The following RBFOX1 variants were observed in gnomAD, a reference collection of about 807,000 sequenced individuals.
The protein encoded by RBFOX1 is RNA binding fox-1 homolog 1.
A neutral mutation model predicts 57.7 loss-of-function variants in RBFOX1; 8 were observed. The ratio of observed to expected loss-of-function variants is 0.14; its 90% CI spans 0.08 to 0.25. RBFOX1 has a LOEUF of 0.25. Ranked by LOEUF, RBFOX1 falls within the 10% of genes least tolerant of loss-of-function variation. The probability of loss-of-function intolerance (pLI) is 1.00; values close to 1 mark genes in which losing one functional copy is unlikely to be tolerated. For synonymous variants in RBFOX1, 326 were observed against 222.4 expected (o/e 1.47, Z -4.15); for missense variants, 611 against 548.5 (o/e 1.11, Z -1.14).
chr16:6,914,559 AAAAT>A (rs1488152849), intron 3 of RBFOX1, among the ~76,000 whole-genome samples: 1 of 135,076 alleles, frequency 7.4e-6, no homozygotes, highest in African/African-American at 3.3e-5. Flanking sequence ...GAAGAAAACA[AAAAT>A]AAAAAAAAAA....
chr16:6,915,774 G>T (rs1304365845), intron 3 of RBFOX1, among the ~76,000 whole-genome samples: 3 of 151,980 alleles, frequency 2.0e-5, no homozygotes, highest in African/African-American at 7.3e-5. Context: ...CTGCCCTCAA[G>T]CACCTGTACT....
chr16:6,046,590 G>C (rs1231318693), intron 1 of RBFOX1, among the ~76,000 whole-genome samples: 2 of 150,932 alleles, frequency 1.3e-5, no homozygotes, highest in African/African-American at 2.4e-5. Context: ...CAAGGACAGA[G>C]AAAAGTAGAT....
intron 1 of RBFOX1, among the ~76,000 whole-genome samples, chr16:6,200,491 A>G (rs1485191157): frequency 6.6e-6 from 1 of 152,164 alleles, no homozygotes; most frequent in African/African-American, 2.4e-5. Context: ...ATAACACAAC[A>G]TATGTGTTCC....
At chr16:6,146,062 C>T (rs1013055300) in intron 1 of RBFOX1, among the ~76,000 whole-genome samples, 2 of 152,174 alleles carry the variant, frequency 1.3e-5, no homozygotes, top group African/African-American at 2.4e-5. Flanking sequence ...ATTGGCTTTA[C>T]ATGGGGATCC....
intron 2 of RBFOX1, among the ~76,000 whole-genome samples, chr16:6,559,723 GTC>G (rs1195681626): frequency 6.6e-6 from 1 of 151,996 alleles, no homozygotes; most frequent in Admixed American, 6.6e-5. Context: ...ATCTGTGTGT[GTC>G]TATATATCTA....
chr16:6,944,005 CTTTAAG>C (rs534711361), intron 3 of RBFOX1, among the ~76,000 whole-genome samples: 71 of 152,240 alleles, frequency 4.7e-4, no homozygotes, highest in Non-Finnish European at 8.8e-4. Flanking sequence ...GCTCAAACTC[CTTTAAG>C]TTTAATTTGG....
At chr16:6,630,113 C>T (rs17140801) in intron 2 of RBFOX1, among the ~76,000 whole-genome samples, 18,408 of 152,038 alleles carry the variant, frequency 0.12, 1,582 homozygotes, top group East Asian at 0.46. Context: ...AGCTTCTGTG[C>T]TTGACATCTC....
chr16:7,253,891 T>C (rs1211908310), intron 4 of RBFOX1, among the ~76,000 whole-genome samples: 1 of 152,148 alleles, frequency 6.6e-6, no homozygotes, highest in Non-Finnish European at 1.5e-5. Context: ...TTTTGTTCGT[T>C]CATTACCTGA....
intron 2 of RBFOX1, among the ~76,000 whole-genome samples, chr16:6,504,848 G>C (rs1418694894): frequency 6.6e-6 from 1 of 151,940 alleles, no homozygotes; most frequent in African/African-American, 2.4e-5. Context: ...GAGGTCAGGA[G>C]TTCAAGACTA....
At chr16:6,871,485 C>G (rs1459653828) in intron 3 of RBFOX1, among the ~76,000 whole-genome samples, 1 of 152,118 alleles carries the variant, frequency 6.6e-6, no homozygotes, top group Non-Finnish European at 1.5e-5. Context: ...CGTGCCCGGC[C>G]TCAAAATCAC....
chr16:6,816,836 C>A (rs370502811), intron 3 of RBFOX1, among the ~76,000 whole-genome samples: 1 of 152,066 alleles, frequency 6.6e-6, no homozygotes, highest in Non-Finnish European at 1.5e-5. Flanking sequence ...TCTCAAACTC[C>A]TGGGCTCAAA....
intron 3 of RBFOX1, among the ~76,000 whole-genome samples, chr16:6,774,411 A>G (rs2078980831): frequency 6.6e-6 from 1 of 152,188 alleles, no homozygotes; most frequent in South Asian, 2.1e-4. Flanking sequence ...CACAATTTCT[A>G]AAACTGGGAC....
intron 2 of RBFOX1, among the ~76,000 whole-genome samples, chr16:6,471,315 C>T (rs1015847007): frequency 6.6e-6 from 1 of 152,196 alleles, no homozygotes; most frequent in East Asian, 1.9e-4. Context: ...TTAGTTAGAA[C>T]AAGAGGCATC....
At chr16:5,845,110 A>G (rs560029965) in intron 3 of RBFOX1, among the ~76,000 whole-genome samples, 7 of 148,796 alleles carry the variant, frequency 4.7e-5, no homozygotes, top group Non-Finnish European at 8.9e-5. Flanking sequence ...TCCAAATTTC[A>G]GAGGCCTGTA....
intron 1 of RBFOX1, among the ~76,000 whole-genome samples, chr16:5,392,790 T>A (rs186405475): frequency 3.9e-5 from 6 of 152,224 alleles, no homozygotes; most frequent in Admixed American, 2.0e-4. Flanking sequence ...GGGTCTGTTG[T>A]ACACTCGCCC....
In RBFOX1 at chr16:7,247,207, C is replaced by G. The variant is rs575673452; in HGVS notation, c.27+195109C>G. ...AATAGTAGCTAGTCAGAAATGTTCT[C>G]TTGGTGAAGGAGAAGTGCAAGAGAA... On this transcript the variant is annotated intron_variant, in intron 4 of 15. Coordinates refer to ENST00000550418, the MANE Select transcript of RBFOX1 (RefSeq NM_018723.4). Among the ~76,000 whole-genome samples, 4 of 152,274 alleles carry G rather than the reference C, an allele frequency of 2.6e-5. No homozygotes were observed. The South Asian group carries it at 6.2e-4, about 24-fold the overall frequency.
rs142052403 is a variant in RBFOX1 at position 5,709,581 on chromosome 16, C to G, written c.318+110620C>G. On this transcript the variant is annotated intron_variant, in intron 3 of 19. Coordinates refer to the RBFOX1 transcript ENST00000641259. ...CATCTCTCATTCTCCCAGGCCTCCT[C>G]CTGACACTTCCTGTTTAACAGCAAG... 9.2e-5 allele frequency among the ~76,000 whole-genome samples: 14 copies of G among 151,560 alleles called. No individual in the cohort carries two copies. The East Asian group carries it at 2.5e-3, about 28-fold the overall frequency.
chr16:6,662,498 T>C (rs1463644613), intron 3 of RBFOX1, among the ~76,000 whole-genome samples: 1 of 152,208 alleles, frequency 6.6e-6, no homozygotes, highest in Non-Finnish European at 1.5e-5. Context: ...ATTGTACAAG[T>C]GTTGAAACAC....
intron 4 of RBFOX1, among the ~76,000 whole-genome samples, chr16:5,897,076 C>G (rs897973192): frequency 8.1e-6 from 1 of 123,596 alleles, no homozygotes. Flanking sequence ...TCGCCCAGGC[C>G]GGACTGCGGA....
Sources: allele counts gnomAD v4.1 joint callset (sites outside exome capture counted in the v4.1 genomes callset), GRCh38; gene constraint gnomAD v4.1.1; transcripts MANE v1.5; gene names NCBI Gene and HGNC (gene_info 2026-07-23, HGNC 2026-07-21).